Variants in LAMA5 observed in about 807,000 individuals in gnomAD.
The protein encoded by LAMA5 is laminin subunit alpha 5, also known as laminin subunit alpha-5.
LAMA5 carries 260 observed loss-of-function variants against 433.4 expected under a neutral mutation model. That is an observed-to-expected ratio of 0.60 (90% CI 0.54 to 0.66). LAMA5 has a LOEUF of 0.66. Among genes scored for constraint, LAMA5 ranks in the 30% least tolerant of loss-of-function variants. The probability of loss-of-function intolerance (pLI) is 0.00; values close to 1 mark genes in which losing one functional copy is unlikely to be tolerated. For missense variants in LAMA5, 5,378 were observed against 5,258.5 expected, an observed-to-expected ratio of 1.02 and a Z score of -0.70; for synonymous variants, 2,620 against 2,226.6, an observed-to-expected ratio of 1.18 and a Z score of -4.97.
rs1980936689 is a variant in LAMA5, at chr20:62,333,602, T to G, written c.2983A>C (p.Thr995Pro). ...FGEPFVLNPG[T>P]WALRVEAEGV... is the part of the protein sequence containing the mutation. ...TCGGCCTCCACACGCAGGGCCCAGG[T>G]GCCAGGGTTCAGCACAAAGGGCTCT... Residue 995 changes from threonine (T) to proline (P), a missense_variant, in exon 24 of 80, where the codon ACC becomes CCC. Physicochemically the swap from Thr to Pro is conservative, Grantham distance 38 (BLOSUM62 -1). Coordinates refer to ENST00000252999, the MANE Select transcript of LAMA5 (RefSeq NM_005560.6). 24 of 1,573,194 alleles carry G rather than the reference T, an allele frequency of 1.5e-5. No individual in the cohort carries two copies. Among genetic ancestry groups the G allele is most frequent in the Non-Finnish European group, 2.1e-5 (24 of 1,159,724 alleles).
chr20:62,341,647 A>G (rs1982599868), intron 11 of LAMA5, among the ~76,000 whole-genome samples: 1 of 152,194 alleles, frequency 6.6e-6, no homozygotes, highest in South Asian at 2.1e-4. Context: ...ATAACTCAAG[A>G]AGCTATTTTA....
In LAMA5 at chr20:62,318,630, G is replaced by A; in HGVS notation, c.7063C>T (p.Gln2355Ter). ...TTCTCCTCCCAGAGGCTGCTCAGCT[G>A]CTCCTGCACCCGGGCCAGCACTAGC... Reference protein sequence around the residue: ...AQRLLARVQEQLSSLWEENQA... With the variant: ...AQRLLARVQE The change falls in exon 53 of 80, where the codon CAG (glutamine) becomes TAG (stop). Residue 2355 changes from glutamine (Q) to a stop codon, truncating the protein, a stop_gained. Coordinates refer to ENST00000252999, the MANE Select transcript of LAMA5 (RefSeq NM_005560.6). LOFTEE classifies it high-confidence loss of function. 6.2e-7 allele frequency: 1 copy of A among 1,610,488 alleles called. No individual in the cohort carries two copies. The highest frequency in any genetic ancestry group is 1.1e-5 in the South Asian group (1 of 91,050).
At position 62,309,671 on chromosome 20, in the gene LAMA5, G is replaced by A. The variant is rs374803450; in HGVS notation, c.10948+45C>T. On this transcript the variant is annotated intron_variant, in intron 79 of 79. Coordinates refer to ENST00000252999, the MANE Select transcript of LAMA5 (RefSeq NM_005560.6). The stretch of plus-strand genomic sequence containing the variant: ...AGGGTGGTAGGTTACGCAGCACCTA[G>A]TCCTGAGGGGCAGCTCCCCCACCCT... The A allele has an allele frequency of 2.6e-3, 2,987 of 1,157,196 alleles. 7 individuals are homozygous for A. Among genetic ancestry groups the A allele is most frequent in the Non-Finnish European group, 3.4e-3 (2,794 of 829,930 alleles). The allele number at this position is 1,157,196 out of a possible 1,614,324, so 71.7% of individuals were successfully genotyped here. A position where few individuals can be genotyped will look rare whatever the true frequency, so the allele number is the denominator to read the frequency against.
chr20:62,346,644 C>T (rs200330750), intron 8 of LAMA5, 38 bp downstream of exon 8: 43 of 1,610,238 alleles, frequency 2.7e-5, no homozygotes, highest in Non-Finnish European at 3.6e-5. Flanking sequence ...TGCCCCACCT[C>T]AGGGCCAGCC....
rs775023384 is a variant in LAMA5, at chr20:62,309,341, C to G, written c.11083G>C (p.Ala3695Pro). 1 of 1,590,974 alleles carries G rather than the reference C, an allele frequency of 6.3e-7. No individual in the cohort carries two copies. Among genetic ancestry groups the G allele is most frequent in the Non-Finnish European group, 8.5e-7 (1 of 1,177,070 alleles). The change falls in exon 80 of 80, where the codon GCC (alanine) becomes CCC (proline). Residue 3695 changes from alanine to proline, a missense_variant. By Grantham distance (27) the Ala-to-Pro change is conservative. Coordinates refer to ENST00000252999, the MANE Select transcript of LAMA5 (RefSeq NM_005560.6). ...GAVGASGCPA[A>P] ...GGGCCGGGGTTGGCTGTGTCCTAGG[C>G]GGCTGGGCAGCCACTGGCCCCCACT... is the stretch of plus-strand genomic sequence containing the variant.
intron 2 of LAMA5, among the ~76,000 whole-genome samples, chr20:62,361,416 C>A (rs1443683157): frequency 2.0e-5 from 3 of 152,198 alleles, no homozygotes; most frequent in African/African-American, 7.2e-5. Flanking sequence ...GCCTGCCCAG[C>A]CCGGGCCAGG....
chr20:62,336,572 A>G lies in LAMA5; in HGVS notation c.2218-127T>C, dbSNP rs969664663. On this transcript the variant is annotated intron_variant, in intron 17 of 79. Transcript: ENST00000252999. ...CCCTCACCTGTGACTCACAGGAGTCACCTGCAGTGGGGGCAGAGGACCAGC... is the reference window on the plus strand; with the variant it reads ...CCCTCACCTGTGACTCACAGGAGTCGCCTGCAGTGGGGGCAGAGGACCAGC... 9 of 1,120,382 alleles carry G rather than the reference A, an allele frequency of 8.0e-6. No individual in the cohort carries two copies. In the African/African-American group the frequency reaches 1.4e-4, roughly 17 times the overall value. 69.4% of individuals were successfully genotyped at this position (1,120,382 alleles called of 1,614,324 possible).
At position 62,334,270 on chromosome 20, in the gene LAMA5, C is replaced by T; in HGVS notation, c.2655G>A (p.Glu885=). 6.2e-7 allele frequency: 1 copy of T among 1,612,616 alleles called. No homozygotes were observed. Among genetic ancestry groups the T allele is most frequent in the Non-Finnish European group, 8.5e-7 (1 of 1,179,762 alleles). The change falls in exon 22 of 80, where the codon GAG becomes GAA. Residue 885 remains glutamate (E), a synonymous_variant. Transcript: ENST00000252999. ...RLELEEAATP[E]GHAVRFGFNP... is the part of the protein sequence containing the mutation. Reference sequence around the variant, plus strand: ...TGAAGCCAAAGCGCACGGCGTGACCCTCAGGTGTGGCAGCCTCCTCCAGCT... The same window carrying T: ...TGAAGCCAAAGCGCACGGCGTGACCTTCAGGTGTGGCAGCCTCCTCCAGCT...
At chr20:62,366,914 C>T in intron 1 of LAMA5, 35 bp downstream of exon 1, 1 of 1,244,342 alleles carries the variant, frequency 8.0e-7, no homozygotes, top group Middle Eastern at 3.0e-4. Flanking sequence ...CCGAGTGCCC[C>T]GGGAGGAAGC....
At chr20:62,362,269 C>T (rs897814589) in intron 2 of LAMA5, 131 bp downstream of exon 2, 12 of 919,390 alleles carry the variant, frequency 1.3e-5, no homozygotes, top group South Asian at 6.6e-5. Flanking sequence ...CCAAGTCCTT[C>T]GTGTCCAGCC....
In LAMA5 at chr20:62,352,284, G is replaced by A. The variant is rs1444998574; in HGVS notation, c.645C>T (p.Cys215=). 2 of 1,600,142 alleles carry A rather than the reference G, an allele frequency of 1.2e-6. No homozygotes were observed. Among genetic ancestry groups the A allele is most frequent in the East Asian group, 2.2e-5 (1 of 44,846 alleles). The change falls in exon 4 of 80, where the codon TGC becomes TGT. Residue 215 remains cysteine (C), a synonymous_variant. Coordinates refer to ENST00000252999, the MANE Select transcript of LAMA5 (RefSeq NM_005560.6). ...ERITRDDAAI[C]TTEYSRIVPL... is the part of the protein sequence containing the mutation. ...GCACGATGCGTGAGTACTCGGTGGT[G>A]CAGATGGCCGCGTCGTCCCGTGTGA...
Position 62,333,239 on chromosome 20 carries a change from G to C in LAMA5, c.3133C>G (p.Leu1045Val), listed in dbSNP as rs1422103237. The change falls in exon 26 of 80, where the codon CTC (leucine) becomes GTC (valine). Residue 1045 changes from leucine to valine, a missense_variant. Transcript: ENST00000252999. ...TCCAGGGGGAGGTGTGTGTAGAGGAGGCAGCTGGGGGGACACAGGCCGTGG... is the reference window on the plus strand; with the variant it reads ...TCCAGGGGGAGGTGTGTGTAGAGGACGCAGCTGGGGGGACACAGGCCGTGG... ...PSAQQSGDNCLLYTHLPLDGF... is the reference protein window; with the variant it reads ...PSAQQSGDNCVLYTHLPLDGF... 1 of 1,545,990 alleles carries C rather than the reference G, an allele frequency of 6.5e-7. No homozygotes were observed. Among genetic ancestry groups the C allele is most frequent in the South Asian group, 1.2e-5 (1 of 80,718 alleles).
intron 6 of LAMA5, among the ~76,000 whole-genome samples, chr20:62,348,639 T>G (rs1983731027): frequency 6.6e-6 from 1 of 151,390 alleles, no homozygotes; most frequent in East Asian, 1.9e-4. Context: ...AAAAGAAATC[T>G]AAAACATAAT....
rs377275798 is a variant in LAMA5, at chr20:62,330,498, G to A, written c.3969C>T (p.Arg1323=). ...FPVEVLINAG[R]VWQGHANASF... Reference sequence around the variant, plus strand: ...ACACCAGACACTCACCCTGCCACACGCGGCCGGCGTTGATGAGGACTTCCA... The same window carrying A: ...ACACCAGACACTCACCCTGCCACACACGGCCGGCGTTGATGAGGACTTCCA... Residue 1323 remains arginine (R), a synonymous_variant, in exon 31 of 80, where the codon CGC becomes CGT. Coordinates refer to ENST00000252999, the MANE Select transcript of LAMA5 (RefSeq NM_005560.6). 65 of 1,554,538 alleles carry A rather than the reference G, an allele frequency of 4.2e-5. 3 individuals carry two copies. In the South Asian group the frequency reaches 6.1e-4, roughly 14 times the overall value.
Position 62,334,634 on chromosome 20 carries a change from G to T in LAMA5, c.2483-13C>A. 1 of 1,543,184 alleles carries T rather than the reference G, an allele frequency of 6.5e-7. No homozygotes were observed. The highest frequency in any genetic ancestry group is 1.4e-5 in the African/African-American group (1 of 73,130). ...TCACACCGGCAGCCTGCAGGGAGAA[G>T]GTGGGAGGTCAGAGGCTGCCTGGCC... is the stretch of plus-strand genomic sequence containing the variant. On this transcript the variant is annotated splice_polypyrimidine_tract_variant and intron_variant, in intron 20 of 79. Coordinates refer to ENST00000252999, the MANE Select transcript of LAMA5 (RefSeq NM_005560.6).
chr20:62,344,518 G>A (rs1188474872), intron 11 of LAMA5, among the ~76,000 whole-genome samples: 21 of 151,992 alleles, frequency 1.4e-4, no homozygotes, highest in Admixed American at 1.3e-3. Context: ...GGAGTGTGAT[G>A]GTGGTTCTCA....
intron 11 of LAMA5, among the ~76,000 whole-genome samples, chr20:62,342,587 G>A (rs1982765629): frequency 6.6e-6 from 1 of 152,014 alleles, no homozygotes; most frequent in Non-Finnish European, 1.5e-5. Flanking sequence ...GCTGAGGCAG[G>A]AGAATGGCGT....
chr20:62,351,831 C>T (rs746008546), intron 5 of LAMA5, 30 bp from the exon 6 acceptor site: 14 of 1,586,156 alleles, frequency 8.8e-6, no homozygotes, highest in Middle Eastern at 3.3e-4. Flanking sequence ...GAGCACCAGG[C>T]GGCCAGGCCT....
chr20:62,363,207 T>A (rs1040762456), intron 1 of LAMA5, among the ~76,000 whole-genome samples: 6 of 152,322 alleles, frequency 3.9e-5, no homozygotes, highest in Middle Eastern at 3.4e-3. Flanking sequence ...AATTAAGCTG[T>A]TCCGGAGGCC....
Sources: allele counts gnomAD v4.1 joint callset (sites outside exome capture counted in the v4.1 genomes callset), GRCh38; gene constraint gnomAD v4.1.1; transcripts MANE v1.5; gene names NCBI Gene and HGNC (gene_info 2026-07-23, HGNC 2026-07-21).